The following ECE1 variants were observed in gnomAD, a reference collection of about 807,000 sequenced individuals.
ECE1 encodes the protein endothelin-converting enzyme 1.
Under a neutral mutation model 98.6 loss-of-function variants are expected in ECE1, and 35 were observed. The ratio of observed to expected loss-of-function variants is 0.35; its 90% CI spans 0.27 to 0.47. ECE1 has a LOEUF of 0.47. Ranked by LOEUF, ECE1 falls within the 20% of genes least tolerant of loss-of-function variation. The probability of loss-of-function intolerance (pLI) is 1.00; values close to 1 mark genes in which losing one functional copy is unlikely to be tolerated. For missense variants in ECE1, 814 were observed against 1,025.3 expected (o/e 0.79, Z 2.81); for synonymous variants, 394 against 407.1 (o/e 0.97, Z 0.39).
At chr1:21,299,897 T>C (rs1638446904) in intron 1 of ECE1, 1 of 152,240 alleles carries the variant, frequency 6.6e-6, no homozygotes, top group African/African-American at 2.4e-5. Context: ...AGATTTTTTT[T>C]CATTCCATAG....
intron 1 of ECE1, among the ~76,000 whole-genome samples, chr1:21,332,309 G>C (rs1037496750): frequency 2.0e-5 from 3 of 151,946 alleles, no homozygotes; most frequent in African/African-American, 7.3e-5. Context: ...GAAAAGGCAG[G>C]GGCTCTGCTC....
At chr1:21,337,675 A>G (rs1286665126) in intron 1 of ECE1, among the ~76,000 whole-genome samples, 1 of 152,214 alleles carries the variant, frequency 6.6e-6, no homozygotes, top group Non-Finnish European at 1.5e-5. Flanking sequence ...GCCAGCCCTC[A>G]GCTGGGCTAC....
intron 10 of ECE1, among the ~76,000 whole-genome samples, chr1:21,242,943 G>C (rs2098198382): frequency 6.6e-6 from 1 of 152,164 alleles, no homozygotes; most frequent in Non-Finnish European, 1.5e-5. Context: ...ACTGCGCCTG[G>C]CTCAGAACTT....
intron 3 of ECE1, 71 bp downstream of exon 3, chr1:21,279,120 C>T: frequency 6.2e-7 from 1 of 1,612,818 alleles, no homozygotes; most frequent in South Asian, 1.1e-5. Flanking sequence ...CAGGGAAGCC[C>T]CCCTCGCCCG....
At chr1:21,239,264 C>T (rs111666325) in intron 10 of ECE1, among the ~76,000 whole-genome samples, 3 of 152,326 alleles carry the variant, frequency 2.0e-5, no homozygotes, top group African/African-American at 4.8e-5. Context: ...CCCAGGGACG[C>T]GTGCTGGGCT....
intron 1 of ECE1, among the ~76,000 whole-genome samples, chr1:21,336,947 G>C (rs1639315479): frequency 6.6e-6 from 1 of 152,144 alleles, no homozygotes; most frequent in African/African-American, 2.4e-5. Flanking sequence ...AGGGGCAGGA[G>C]AATCGCTTGA....
intron 17 of ECE1, among the ~76,000 whole-genome samples, chr1:21,222,973 G>A (rs923988470): frequency 6.6e-6 from 1 of 151,440 alleles, no homozygotes; most frequent in African/African-American, 2.4e-5. Flanking sequence ...GTGCTGACTC[G>A]TTTTTGTTTT....
At position 21,258,690 on chromosome 1, in the gene ECE1, C is replaced by T. The variant is rs1024204978; in HGVS notation, c.762+3G>A. The stretch of plus-strand genomic sequence containing the variant: ...CGACCGCTGCAGGTTCAAGCTAGCT[C>T]ACCTGGATCACGTTGCTGTTGGAGT... On this transcript the variant is annotated splice_donor_region_variant and intron_variant, in intron 6 of 18. Transcript: ENST00000374893. This position sits in a 1 kb window ranked among gnomAD's most constrained non-coding sequence, Gnocchi z 4.2. The T allele has an allele frequency of 1.2e-6, 2 of 1,612,758 alleles. No homozygotes were observed. Among genetic ancestry groups the T allele is most frequent in the South Asian group, 1.1e-5 (1 of 91,054 alleles).
chr1:21,301,217 G>T (rs1013082931), intron 1 of ECE1, among the ~76,000 whole-genome samples: 1 of 152,220 alleles, frequency 6.6e-6, no homozygotes, highest in South Asian at 2.1e-4. Context: ...TTCATGGGCC[G>T]GGCGCGGTGG....
At chr1:21,236,652 A>G (rs928633462) in intron 12 of ECE1, 94 bp downstream of exon 12, 4 of 1,288,744 alleles carry the variant, frequency 3.1e-6, no homozygotes, top group Non-Finnish European at 4.5e-6. Flanking sequence ...TCTGCCTCAA[A>G]AAACAAACAA....
intron 2 of ECE1, among the ~76,000 whole-genome samples, chr1:21,284,224 C>T (rs572014619): frequency 3.9e-5 from 6 of 152,262 alleles, no homozygotes; most frequent in Admixed American, 2.0e-4. Flanking sequence ...TGGTTTCTTA[C>T]GTTTCTTTTG....
Position 21,225,711 on chromosome 1 carries a change from T to TTGG in ECE1, c.1850-272_1850-271insCCA, listed in dbSNP as rs2098173333. Among the ~76,000 whole-genome samples the TTGG allele has an allele frequency of 6.9e-6, 1 of 145,958 alleles. No individual in the cohort carries two copies. On this transcript the variant is annotated intron_variant, in intron 16 of 18. Coordinates refer to ENST00000374893, the MANE Select transcript of ECE1 (RefSeq NM_001397.3). The surrounding 1 kb of genome is among the most constrained non-coding windows in gnomAD (Gnocchi z 5.3). The stretch of plus-strand genomic sequence containing the variant: ...GTTTTCTTTCTTTTTTTTTTTTTTT[T>TTGG]GAGACAGTCTCACTCTGCCACTCAG...
intron 9 of ECE1, among the ~76,000 whole-genome samples, chr1:21,246,498 C>CAAAAAAAA (rs368916726): frequency 1.0e-4 from 10 of 96,628 alleles, no homozygotes; most frequent in Non-Finnish European, 1.2e-4. Flanking sequence ...GACTCCATCT[C>CAAAAAAAA]AAAAAAAAAA....
chr1:21,310,140 T>C (rs1363400138), intron 1 of ECE1, among the ~76,000 whole-genome samples: 1 of 152,138 alleles, frequency 6.6e-6, no homozygotes, highest in African/African-American at 2.4e-5. Flanking sequence ...TCACATTGCC[T>C]CAGAGGGAGG....
chr1:21,248,727 C>T lies in ECE1; in HGVS notation c.1021-1364G>A, dbSNP rs1167753267. Among the ~76,000 whole-genome samples the T allele has an allele frequency of 8.6e-5, 13 of 150,898 alleles. No homozygotes were observed. The East Asian group carries it at 1.8e-3, about 21-fold the overall frequency. On this transcript the variant is annotated intron_variant, in intron 8 of 18. Coordinates refer to ENST00000374893, the MANE Select transcript of ECE1 (RefSeq NM_001397.3). ...GCAACCTCCGCCTCCCAGGTTCAAG[C>T]GATTCTCCTGCCTCAGCCTCCCTAG...
rs189983836 is a variant in ECE1, at chr1:21,303,166, G to A, written c.4-13010C>T. Reference sequence around the variant, plus strand: ...AGGTGCCCAGACATGCAAAGTGCCCGAGCCAGGGCAATCCCAGCAGGGTGG... The same window carrying A: ...AGGTGCCCAGACATGCAAAGTGCCCAAGCCAGGGCAATCCCAGCAGGGTGG... On this transcript the variant is annotated intron_variant, in intron 1 of 18. Coordinates refer to the ECE1 transcript ENST00000415912. 1.5e-3 allele frequency among the ~76,000 whole-genome samples: 223 copies of A among 152,312 alleles called. 2 individuals carry two copies. Among genetic ancestry groups the A allele is most frequent in the African/African-American group, 3.5e-3 (145 of 41,566 alleles).
chr1:21,227,312 G>T, intron 15 of ECE1, 86 bp from the exon 16 acceptor site: 1 of 1,359,200 alleles, frequency 7.4e-7, no homozygotes, highest in Non-Finnish European at 1.1e-6. Flanking sequence ...TCACTTCCTG[G>T]GCTTAGAGAT....
chr1:21,249,672 A>T (rs1573964910), intron 8 of ECE1, among the ~76,000 whole-genome samples: 1 of 151,986 alleles, frequency 6.6e-6, no homozygotes. Flanking sequence ...ACAGAGTGAA[A>T]CCCTGCCTCA....
chr1:21,249,852 C>T (rs2098209938), intron 8 of ECE1, among the ~76,000 whole-genome samples: 1 of 152,098 alleles, frequency 6.6e-6, no homozygotes, highest in African/African-American at 2.4e-5. Flanking sequence ...CAGCTCATTG[C>T]AACCTCCGCC....
Sources: allele counts gnomAD v4.1 joint callset (sites outside exome capture counted in the v4.1 genomes callset), GRCh38; gene constraint gnomAD v4.1.1; non-coding constraint Gnocchi (gnomAD v3.1); transcripts MANE v1.5; gene names NCBI Gene and HGNC (gene_info 2026-07-23, HGNC 2026-07-21).